The following CSGALNACT1 variants were observed in gnomAD, a reference collection of about 807,000 sequenced individuals.
CSGALNACT1 encodes beta4GalNAcT-1.
In CSGALNACT1, 52 loss-of-function variants were observed where a neutral mutation model predicts 51.0. The observed-to-expected ratio is 1.02, with a 90% CI of 0.82 to 1.29. The LOEUF is 1.29. Ranked by LOEUF, CSGALNACT1 falls within the 50% of genes most tolerant of loss-of-function variation. CSGALNACT1 has a pLI of 0.00. For missense variants in CSGALNACT1, 935 were observed against 679.2 expected, an observed-to-expected ratio of 1.38 and a Z score of -4.19; for synonymous variants, 341 against 254.4, an observed-to-expected ratio of 1.34 and a Z score of -3.24.
chr8:19,656,606 AC>A, intron 1 of CSGALNACT1, among the ~76,000 whole-genome samples: 1 of 141,926 alleles, frequency 7.0e-6, no homozygotes, highest in Non-Finnish European at 1.5e-5. Context: ...CCCCCCACAC[AC>A]ACACACGAGA....
chr8:19,604,042 T>C (rs1157193132), upstream of CSGALNACT1, among the ~76,000 whole-genome samples: 1 of 152,150 alleles, frequency 6.6e-6, no homozygotes, highest in South Asian at 2.1e-4. Flanking sequence ...CTTTTTCCAG[T>C]GAAGGTACTT....
At chr8:19,427,632 CA>C (rs1309717952) in intron 6 of CSGALNACT1, among the ~76,000 whole-genome samples, 1 of 151,908 alleles carries the variant, frequency 6.6e-6, no homozygotes, top group Non-Finnish European at 1.5e-5. Context: ...ACTAAAAATC[CA>C]AAAAATTAGC....
At chr8:19,406,917 C>A (rs1298713736) in intron 9 of CSGALNACT1, among the ~76,000 whole-genome samples, 1 of 152,188 alleles carries the variant, frequency 6.6e-6, no homozygotes, top group Non-Finnish European at 1.5e-5. Flanking sequence ...CCGTTTTGGC[C>A]AGACTGGTCT....
chr8:19,483,897 C>T (rs1157464843), intron 4 of CSGALNACT1, among the ~76,000 whole-genome samples: 1 of 152,182 alleles, frequency 6.6e-6, no homozygotes, highest in Non-Finnish European at 1.5e-5. Flanking sequence ...TAGCTGTCCC[C>T]ACTTACCGAC....
chr8:19,682,596 T>C, upstream of CSGALNACT1: 1 of 453,958 alleles, frequency 2.2e-6, no homozygotes, highest in Admixed American at 2.3e-5. Flanking sequence ...CACTCACTGA[T>C]GTACACTGGG....
At chr8:19,581,425 T>C (rs2045544820) in intron 3 of CSGALNACT1, among the ~76,000 whole-genome samples, 1 of 152,248 alleles carries the variant, frequency 6.6e-6, no homozygotes, top group Non-Finnish European at 1.5e-5. Context: ...ATTAAAATGT[T>C]ATATTTGTGG....
At chr8:19,582,564 T>C (rs7843893) in intron 3 of CSGALNACT1, among the ~76,000 whole-genome samples, 5,011 of 152,098 alleles carry the variant, frequency 0.033, 294 homozygotes, top group African/African-American at 0.11. Context: ...CAATCCACCC[T>C]GTCAAAGAGA....
At chr8:19,498,030 C>G (rs1042457392) in intron 4 of CSGALNACT1, among the ~76,000 whole-genome samples, 8 of 152,122 alleles carry the variant, frequency 5.3e-5, no homozygotes, top group Non-Finnish European at 1.2e-4. Context: ...ATGTATAAAG[C>G]CAAACTGTGC....
In CSGALNACT1 at chr8:19,464,809, ACTGGTGC is replaced by A. The variant is rs2066309119; in HGVS notation, c.635-6174_635-6168del. On this transcript the variant is annotated intron_variant, in intron 4 of 9. Transcript: ENST00000454498. ...TTGTTGTGGAATTGTCTTCCACAAAACTGGTGCCTGGTGCCAAGAAGGTTAGGGACTG... is the reference window on the plus strand; with the variant it reads ...TTGTTGTGGAATTGTCTTCCACAAAACTGGTGCCAAGAAGGTTAGGGACTG... Among the ~76,000 whole-genome samples, 5 of 152,252 alleles carry A rather than the reference ACTGGTGC, an allele frequency of 3.3e-5. 1 individual carries two copies. The South Asian group carries it at 1.0e-3, about 32-fold the overall frequency.
intron 4 of CSGALNACT1, among the ~76,000 whole-genome samples, chr8:19,483,764 T>G (rs192615366): frequency 1.3e-5 from 2 of 152,356 alleles, no homozygotes; most frequent in African/African-American, 4.8e-5. Flanking sequence ...TTTCTTCATC[T>G]TTGTTTCAAC....
chr8:19,501,246 C>CAAAA (rs35069773), intron 4 of CSGALNACT1, among the ~76,000 whole-genome samples: 21 of 83,592 alleles, frequency 2.5e-4, no homozygotes, highest in Admixed American at 4.1e-4. Context: ...GACTCCGTCT[C>CAAAA]AAAAAAAAAA....
intron 1 of CSGALNACT1, among the ~76,000 whole-genome samples, chr8:19,675,756 A>G (rs1161644986): frequency 6.6e-6 from 1 of 152,124 alleles, no homozygotes; most frequent in Non-Finnish European, 1.5e-5. Context: ...CTAAAATGCT[A>G]GGATTACAAG....
At chr8:19,680,006 A>G (rs1426342288) in intron 1 of CSGALNACT1, among the ~76,000 whole-genome samples, 1 of 152,182 alleles carries the variant, frequency 6.6e-6, no homozygotes, top group African/African-American at 2.4e-5. Flanking sequence ...CAAAATTCTA[A>G]AAATAGCCAC....
upstream of CSGALNACT1, among the ~76,000 whole-genome samples, chr8:19,685,346 A>G (rs1007321164): frequency 6.6e-6 from 1 of 152,140 alleles, no homozygotes; most frequent in African/African-American, 2.4e-5. Flanking sequence ...CTGTCTCTAC[A>G]AAAATGAGCT....
intron 1 of CSGALNACT1, among the ~76,000 whole-genome samples, chr8:19,641,387 TA>T (rs1337522535): frequency 6.6e-6 from 1 of 152,122 alleles, no homozygotes; most frequent in African/African-American, 2.4e-5. Flanking sequence ...AGATGCCTCC[TA>T]AAAGAGGCTG....
upstream of CSGALNACT1, among the ~76,000 whole-genome samples, chr8:19,686,838 CAG>C (rs1474736646): frequency 6.6e-6 from 1 of 152,168 alleles, no homozygotes; most frequent in Non-Finnish European, 1.5e-5. Context: ...GGTGACGTCA[CAG>C]AGTCATCATG....
intron 3 of CSGALNACT1, among the ~76,000 whole-genome samples, chr8:19,573,702 C>T (rs1257528689): frequency 1.3e-5 from 2 of 152,140 alleles, no homozygotes; most frequent in South Asian, 2.1e-4. Context: ...CCTCGGCCTC[C>T]CATACCAATC....
At chr8:19,578,953 C>G (rs565398374) in intron 3 of CSGALNACT1, among the ~76,000 whole-genome samples, 66 of 152,320 alleles carry the variant, frequency 4.3e-4, no homozygotes, top group African/African-American at 1.4e-3. Flanking sequence ...TGGTCTCAAA[C>G]TCCTAGCCTC....
At chr8:19,652,686 T>C (rs1589278549) in intron 1 of CSGALNACT1, among the ~76,000 whole-genome samples, 1 of 152,350 alleles carries the variant, frequency 6.6e-6, no homozygotes, top group Admixed American at 6.5e-5. Context: ...AACAGCAATC[T>C]GTGCTTTCCC....
Sources: allele counts gnomAD v4.1 joint callset (sites outside exome capture counted in the v4.1 genomes callset), GRCh38; gene constraint gnomAD v4.1.1; transcripts MANE v1.5; gene names NCBI Gene and HGNC (gene_info 2026-07-23, HGNC 2026-07-21).